The following HCN1 variants were observed in gnomAD, a reference collection of about 807,000 sequenced individuals.
HCN1 encodes hyperpolarization activated cyclic nucleotide gated potassium channel 1, also known as potassium/sodium hyperpolarization-activated cyclic nucleotide-gated channel 1.
In HCN1, 13 loss-of-function variants were observed where a neutral mutation model predicts 78.9. The ratio of observed to expected loss-of-function variants is 0.16; its 90% CI spans 0.11 to 0.26. The LOEUF is 0.26. Ranked by LOEUF, HCN1 falls within the 10% of genes least tolerant of loss-of-function variation. The pLI is 1.00. For synonymous variants in HCN1, 552 were observed against 455.5 expected (o/e 1.21, Z -2.70); for missense variants, 810 against 1,154.3 (o/e 0.70, Z 4.32).
chr5:45,411,394 A>G (rs531303392), intron 3 of HCN1, among the ~76,000 whole-genome samples: 117 of 151,940 alleles, frequency 7.7e-4, no homozygotes, highest in Non-Finnish European at 1.6e-3. Flanking sequence ...TACAAGACTA[A>G]ACCAATGGTG....
intron 2 of HCN1, among the ~76,000 whole-genome samples, chr5:45,540,127 T>C (rs1355869359): frequency 6.6e-6 from 1 of 151,802 alleles, no homozygotes; most frequent in Non-Finnish European, 1.5e-5. Context: ...AGAATTTAAA[T>C]ATTGAATTAA....
intron 2 of HCN1, among the ~76,000 whole-genome samples, chr5:45,472,018 C>A (rs1271793213): frequency 6.6e-6 from 1 of 151,930 alleles, no homozygotes; most frequent in Admixed American, 6.6e-5. Context: ...TTCAAGAAAT[C>A]TTTACGAAGC....
intron 2 of HCN1, among the ~76,000 whole-genome samples, chr5:45,508,579 C>T (rs1028000202): frequency 6.6e-6 from 1 of 152,008 alleles, no homozygotes; most frequent in Non-Finnish European, 1.5e-5. Flanking sequence ...AAGGGTATGT[C>T]CTACTTATAA....
chr5:45,680,606 A>G (rs2112088127), intron 1 of HCN1, among the ~76,000 whole-genome samples: 1 of 152,214 alleles, frequency 6.6e-6, no homozygotes, highest in East Asian at 1.9e-4. Flanking sequence ...TTTTTGCCTC[A>G]GTATTATTAG....
At chr5:45,372,272 T>G (rs1175359840) in intron 4 of HCN1, among the ~76,000 whole-genome samples, 2 of 91,112 alleles carry the variant, frequency 2.2e-5, no homozygotes, top group Admixed American at 2.0e-4. Context: ...TATATATATT[T>G]ATATATATAA....
chr5:45,492,332 G>A (rs1011953962), intron 2 of HCN1, among the ~76,000 whole-genome samples: 2 of 147,542 alleles, frequency 1.4e-5, no homozygotes, highest in Admixed American at 6.8e-5. Flanking sequence ...GAGAGAGAGA[G>A]GATAGGTGTG....
rs1279547876 is a variant in HCN1, at chr5:45,659,394, C to T, written c.426-13786G>A. Among the ~76,000 whole-genome samples the T allele has an allele frequency of 4.3e-4, 47 of 108,080 alleles. 2 individuals carry two copies. Among genetic ancestry groups the T allele is most frequent in the East Asian group, 4.3e-3 (14 of 3,230 alleles). The allele number at this position is 108,080 out of a possible 152,430, so 70.9% of individuals were successfully genotyped here. ...AAACTGGAAACTCTAAAACGCAGAG[C>T]GCCTCTCCTCCTCCAAAGGAACGCA... On this transcript the variant is annotated intron_variant, in intron 1 of 7. Transcript: ENST00000303230.
At chr5:45,375,218 T>C (rs1429656391) in intron 4 of HCN1, among the ~76,000 whole-genome samples, 2 of 116,326 alleles carry the variant, frequency 1.7e-5, no homozygotes, top group East Asian at 2.2e-4. Flanking sequence ...TAATATATAA[T>C]ATAATATTTT....
rs562870807 is a variant in HCN1 at position 45,531,771 on chromosome 5, G to A, written c.850-69764C>T. On this transcript the variant is annotated intron_variant, in intron 2 of 7. Transcript: ENST00000303230. Reference sequence around the variant, plus strand: ...TGACATCTCTGAGGCTTGGCACGGTGGCTCACACCTGTAATCCAAGCACTT... The same window carrying A: ...TGACATCTCTGAGGCTTGGCACGGTAGCTCACACCTGTAATCCAAGCACTT... Among the ~76,000 whole-genome samples, 9 of 152,052 alleles carry A rather than the reference G, an allele frequency of 5.9e-5. 1 individual carries two copies. The highest frequency in any genetic ancestry group is 2.2e-4 in the African/African-American group (9 of 41,480).
At chr5:45,691,088 T>C (rs952058587) in intron 1 of HCN1, among the ~76,000 whole-genome samples, 7 of 151,834 alleles carry the variant, frequency 4.6e-5, no homozygotes, top group Admixed American at 1.3e-4. Flanking sequence ...GTGGTGGTGA[T>C]GTTGTTTTGG....
At chr5:45,284,262 G>T (rs758476513) in intron 6 of HCN1, among the ~76,000 whole-genome samples, 3 of 152,064 alleles carry the variant, frequency 2.0e-5, no homozygotes, top group Non-Finnish European at 4.4e-5. Flanking sequence ...TAACAAACCT[G>T]CACAGGTGCC....
chr5:45,516,893 A>ATG (rs10654224), intron 2 of HCN1, among the ~76,000 whole-genome samples: 75,345 of 151,562 alleles, frequency 0.5, 19,894 homozygotes, highest in African/African-American at 0.68. Context: ...TATATTATAG[A>ATG]TGTTAACTTA....
intron 3 of HCN1, among the ~76,000 whole-genome samples, chr5:45,437,368 A>G (rs1309862766): frequency 6.6e-6 from 1 of 152,228 alleles, no homozygotes; most frequent in Non-Finnish European, 1.5e-5. Flanking sequence ...TTTACAAACC[A>G]AGGCTTTTAC....
intron 5 of HCN1, among the ~76,000 whole-genome samples, chr5:45,333,643 A>G (rs1746392629): frequency 6.6e-6 from 1 of 151,756 alleles, no homozygotes; most frequent in Non-Finnish European, 1.5e-5. Flanking sequence ...CCTATAATAC[A>G]TTTTGATTTG....
At chr5:45,263,987 G>A (rs867062914) in intron 7 of HCN1, among the ~76,000 whole-genome samples, 3 of 152,174 alleles carry the variant, frequency 2.0e-5, no homozygotes, top group African/African-American at 7.2e-5. Context: ...TAGAGATGGG[G>A]TTTCACCATG....
rs889794263 is a variant in HCN1, at chr5:45,593,194, G to A, written c.849+51991C>T. ...ACTTTGTTAGTCCTTACAGTTGCAC[G>A]CGCGCATGCACGCACGCGCACACAC... is the stretch of plus-strand genomic sequence containing the variant. On this transcript the variant is annotated intron_variant, in intron 2 of 7. Coordinates refer to ENST00000303230, the MANE Select transcript of HCN1 (RefSeq NM_021072.4). Among the ~76,000 whole-genome samples, 8 of 142,090 alleles carry A rather than the reference G, an allele frequency of 5.6e-5. No homozygotes were observed. In the East Asian group the frequency reaches 8.5e-4, roughly 15 times the overall value. The allele number at this position is 142,090 out of a possible 152,430, so 93.2% of individuals were successfully genotyped here. A position where few individuals can be genotyped will look rare whatever the true frequency, so the allele number is the denominator to read the frequency against.
chr5:45,276,724 G>C (rs1283218216), intron 6 of HCN1, among the ~76,000 whole-genome samples: 2 of 151,928 alleles, frequency 1.3e-5, no homozygotes, highest in Non-Finnish European at 2.9e-5. Flanking sequence ...ATAATTCCAA[G>C]GCTAAATAAC....
intron 3 of HCN1, among the ~76,000 whole-genome samples, chr5:45,437,274 A>G (rs1327527253): frequency 6.6e-6 from 1 of 152,216 alleles, no homozygotes; most frequent in Non-Finnish European, 1.5e-5. Flanking sequence ...AGCCATCAAC[A>G]TAAATAAATG....
chr5:45,499,989 ATAAAT>A (rs1317489020), intron 2 of HCN1, among the ~76,000 whole-genome samples: 4 of 152,160 alleles, frequency 2.6e-5, no homozygotes, highest in East Asian at 1.9e-4. Flanking sequence ...TAATTTTGAA[ATAAAT>A]TAAAGATTCT....
Sources: gnomAD v4.1 joint callset for allele counts (sites outside exome capture counted in the v4.1 genomes callset) on GRCh38, gnomAD v4.1.1 for gene constraint, MANE v1.5 for transcripts, NCBI Gene and HGNC (gene_info 2026-07-23, HGNC 2026-07-21) for gene names.